ADAM17: variants seen among roughly 807,000 people sequenced by gnomAD.
ADAM17 encodes disintegrin and metalloproteinase domain-containing protein 17.
A neutral mutation model predicts 96.7 loss-of-function variants in ADAM17; 39 were observed. The ratio of observed to expected loss-of-function variants is 0.40; its 90% CI spans 0.31 to 0.53. ADAM17 has a LOEUF of 0.53. Among genes scored for constraint, ADAM17 ranks in the 20% least tolerant of loss-of-function variants. The probability of loss-of-function intolerance (pLI) is 0.44; values close to 1 mark genes in which losing one functional copy is unlikely to be tolerated. For missense variants in ADAM17, 777 were observed against 1,013.2 expected (o/e 0.77, Z 3.17); for synonymous variants, 344 against 359.2 (o/e 0.96, Z 0.48).
At chr2:9,502,078 A>G (rs1029436216) in intron 13 of ADAM17, 95 bp downstream of exon 13, 1 of 1,077,444 alleles carries the variant, frequency 9.3e-7, no homozygotes, top group Non-Finnish European at 1.4e-6. Flanking sequence ...ATTAAAAATA[A>G]GGTGTCTCTC....
chr2:9,544,040 A>C (rs73913129), intron 1 of ADAM17, among the ~76,000 whole-genome samples: 9,698 of 152,178 alleles, frequency 0.064, 1,096 homozygotes, highest in African/African-American at 0.22. Flanking sequence ...ACTAAATAAA[A>C]CAAAAACTCA....
chr2:9,492,104 G>A (rs1355302252), intron 17 of ADAM17, among the ~76,000 whole-genome samples: 2 of 152,216 alleles, frequency 1.3e-5, no homozygotes, highest in East Asian at 1.9e-4. Flanking sequence ...GGAAAGGAAA[G>A]GAAGGAGGCA....
At chr2:9,530,152 C>G (rs1234804811) in intron 4 of ADAM17, among the ~76,000 whole-genome samples, 1 of 152,180 alleles carries the variant, frequency 6.6e-6, no homozygotes, top group African/African-American at 2.4e-5. Flanking sequence ...TGGCAGAGAT[C>G]TCAAAAGTTA....
chr2:9,510,356 A>G (rs542519965), intron 10 of ADAM17, among the ~76,000 whole-genome samples: 1 of 152,258 alleles, frequency 6.6e-6, no homozygotes, highest in South Asian at 2.1e-4. Context: ...CTATCTCTAC[A>G]AAAATAATAA....
At chr2:9,499,359 C>A (rs1400676912) in intron 13 of ADAM17, among the ~76,000 whole-genome samples, 1 of 152,000 alleles carries the variant, frequency 6.6e-6, no homozygotes, top group Non-Finnish European at 1.5e-5. Context: ...CTAGCAAATG[C>A]TTCTTTAAAG....
intron 11 of ADAM17, among the ~76,000 whole-genome samples, 152 bp downstream of exon 11, chr2:9,509,826 CA>C (rs1663632785): frequency 6.6e-6 from 1 of 152,112 alleles, no homozygotes; most frequent in Non-Finnish European, 1.5e-5. Flanking sequence ...TGCTTCACCC[CA>C]AAACACACAA....
chr2:9,526,936 T>A (rs954711929), intron 5 of ADAM17, among the ~76,000 whole-genome samples: 2 of 152,228 alleles, frequency 1.3e-5, no homozygotes, highest in African/African-American at 4.8e-5. Flanking sequence ...GATATTCACA[T>A]TGAAAATTAG....
chr2:9,523,397 G>T, intron 6 of ADAM17, 59 bp from the exon 7 acceptor site: 1 of 1,396,592 alleles, frequency 7.2e-7, no homozygotes, highest in Non-Finnish European at 1.0e-6. Flanking sequence ...TCCTGGCAAT[G>T]CAATATAAAA....
intron 13 of ADAM17, among the ~76,000 whole-genome samples, chr2:9,501,768 A>ATATT (rs1663021632): frequency 6.6e-6 from 1 of 152,184 alleles, no homozygotes; most frequent in African/African-American, 2.4e-5. Flanking sequence ...AAACCTTGTT[A>ATATT]TATTATCTGT....
At chr2:9,548,035 C>T (rs1665458271) in intron 1 of ADAM17, among the ~76,000 whole-genome samples, 1 of 151,692 alleles carries the variant, frequency 6.6e-6, no homozygotes, top group Admixed American at 6.6e-5. Context: ...CCACTGCACT[C>T]CAGCCTAGGC....
chr2:9,546,314 T>C lies in ADAM17; in HGVS notation c.98-3029A>G, dbSNP rs371097153. Among the ~76,000 whole-genome samples, 95 of 152,336 alleles carry C rather than the reference T, an allele frequency of 6.2e-4. 1 individual carries two copies. The highest frequency in any genetic ancestry group is 2.3e-3 in the African/African-American group (94 of 41,574). On this transcript the variant is annotated intron_variant, in intron 1 of 18. Transcript: ENST00000310823. ...GCTAAAGCACTTTAAAATACTTAACTAATGCATTTCAACTGCAATTGATTC... is the reference window on the plus strand; with the variant it reads ...GCTAAAGCACTTTAAAATACTTAACCAATGCATTTCAACTGCAATTGATTC...
chr2:9,497,329 A>C, intron 13 of ADAM17, 81 bp from the exon 14 acceptor site: 58 of 1,557,640 alleles, frequency 3.7e-5, no homozygotes, highest in Non-Finnish European at 4.3e-5. Flanking sequence ...GCTGTTTCTC[A>C]TACAAGTGAG....
At position 9,490,334 on chromosome 2, in the gene ADAM17, T is replaced by G; in HGVS notation, c.2318A>C (p.Asp773Ala). Reference protein sequence around the residue: ...QEDPSTDSHMDEDGFEKDPFP... With the variant: ...QEDPSTDSHMAEDGFEKDPFP... ...GGGGTCCTTCTCAAACCCATCCTCG[T>G]CCATATGTGAGTCTGTGCTGGGGTC... The change falls in exon 19 of 19, where the codon GAC becomes GCC. Residue 773 changes from aspartate (D) to alanine (A), a missense_variant. Asp to Ala is a moderately radical substitution (Grantham distance 126, BLOSUM62 -2). Transcript: ENST00000310823. 6.2e-7 allele frequency: 1 copy of G among 1,614,148 alleles called. No homozygotes were observed. Among genetic ancestry groups the G allele is most frequent in the Non-Finnish European group, 8.5e-7 (1 of 1,180,032 alleles).
chr2:9,507,460 C>T (rs886229089), intron 11 of ADAM17, among the ~76,000 whole-genome samples: 1 of 152,078 alleles, frequency 6.6e-6, no homozygotes, highest in African/African-American at 2.4e-5. Context: ...AGAGATCACA[C>T]CACTGCACTC....
intron 14 of ADAM17, among the ~76,000 whole-genome samples, chr2:9,495,771 T>G (rs1184364618): frequency 2.6e-5 from 4 of 151,990 alleles, no homozygotes; most frequent in African/African-American, 9.7e-5. Flanking sequence ...TTCTTGGACT[T>G]TTACTGTGTC....
At position 9,490,340 on chromosome 2, in the gene ADAM17, T is replaced by TGTGA. The variant is rs1324237032; in HGVS notation, c.2308_2311dup (p.His771LeufsTer9). On this transcript the variant is annotated frameshift_variant, in exon 19 of 19. Transcript: ENST00000310823. LOFTEE classifies it high-confidence loss of function. Reference sequence around the variant, plus strand: ...CTTCTCAAACCCATCCTCGTCCATATGTGAGTCTGTGCTGGGGTCTTCCTG... The same window carrying TGTGA: ...CTTCTCAAACCCATCCTCGTCCATATGTGAGTGAGTCTGTGCTGGGGTCTTCCTG... 2 of 1,614,148 alleles carry TGTGA rather than the reference T, an allele frequency of 1.2e-6. No homozygotes were observed. Among genetic ancestry groups the TGTGA allele is most frequent in the Non-Finnish European group, 1.7e-6 (2 of 1,180,022 alleles).
In ADAM17 at chr2:9,497,274, A is replaced by G. The variant is rs41264175; in HGVS notation, c.1649-26T>C. The G allele has an allele frequency of 0.18, 297,666 of 1,612,508 alleles. 29,654 individuals are homozygous for G. The highest frequency in any genetic ancestry group is 0.29 in the Middle Eastern group (1,749 of 6,054). The stretch of plus-strand genomic sequence containing the variant: ...CTGGAAGCAAACACCAGTCATAACA[A>G]AAAGAATGAGTCACAGGTCCACCAG... On this transcript the variant is annotated intron_variant, in intron 13 of 18. Coordinates refer to ENST00000310823, the MANE Select transcript of ADAM17 (RefSeq NM_003183.6).
At position 9,554,320 on chromosome 2, in the gene ADAM17, A is replaced by T. The variant is rs1218765123; in HGVS notation, c.97+1189T>A. Among the ~76,000 whole-genome samples the T allele has an allele frequency of 2.0e-5, 3 of 152,162 alleles. No homozygotes were observed. The East Asian group carries it at 5.8e-4, about 29-fold the overall frequency. ...GACCCTTACCCTATCCCTCCATCCT[A>T]ACCACAATCCTACCTCAAAATGTCC... On this transcript the variant is annotated intron_variant, in intron 1 of 18. Transcript: ENST00000310823.
At chr2:9,518,272 A>G in intron 8 of ADAM17, 25 bp from the exon 9 acceptor site, 1 of 1,517,384 alleles carries the variant, frequency 6.6e-7, no homozygotes, top group Non-Finnish European at 8.8e-7. Context: ...AAAAAAAAAA[A>G]AAAAAAAAAG....
Sources: gnomAD v4.1 joint callset for allele counts (sites outside exome capture counted in the v4.1 genomes callset) on GRCh38, gnomAD v4.1.1 for gene constraint, MANE v1.5 for transcripts, NCBI Gene and HGNC (gene_info 2026-07-23, HGNC 2026-07-21) for gene names.